The following CACNA2D1 variants were observed in gnomAD, a reference collection of about 807,000 sequenced individuals.
The protein encoded by CACNA2D1 is calcium voltage-gated channel auxiliary subunit alpha2delta 1.
In CACNA2D1, 53 loss-of-function variants were observed where a neutral mutation model predicts 171.5. The observed-to-expected ratio is 0.31, with a 90% CI of 0.25 to 0.39. The LOEUF is 0.39. CACNA2D1 is among the 10% of genes least tolerant of loss of function. The pLI is 1.00. For missense variants in CACNA2D1, 903 were observed against 1,299.8 expected, an observed-to-expected ratio of 0.69 and a Z score of 4.69; for synonymous variants, 442 against 443.1, an observed-to-expected ratio of 1.00 and a Z score of 0.03.
intron 7 of CACNA2D1, among the ~76,000 whole-genome samples, chr7:82,075,774 T>C (rs1808886771): frequency 6.6e-6 from 1 of 152,170 alleles, no homozygotes; most frequent in African/African-American, 2.4e-5. Context: ...ATCTTTTTAA[T>C]TTTTCATAAT....
At chr7:82,294,749 AAAGT>A (rs1405720308) in intron 3 of CACNA2D1, among the ~76,000 whole-genome samples, 5 of 152,188 alleles carry the variant, frequency 3.3e-5, no homozygotes, top group African/African-American at 4.8e-5. Flanking sequence ...AACAGCCTAC[AAAGT>A]AAGTATCAAT....
chr7:82,066,425 A>G (rs376786279), intron 8 of CACNA2D1, 30 bp downstream of exon 8: 2 of 1,610,130 alleles, frequency 1.2e-6, no homozygotes, highest in Non-Finnish European at 1.7e-6. Context: ...TGCCTATTTT[A>G]TCTTTTCATG....
intron 18 of CACNA2D1, among the ~76,000 whole-genome samples, chr7:82,002,585 TCAAA>T (rs1192943923): frequency 6.6e-6 from 1 of 152,118 alleles, no homozygotes; most frequent in Non-Finnish European, 1.5e-5. Context: ...TATTAACTTC[TCAAA>T]CATAGATTAT....
chr7:82,153,698 T>A (rs548377240), intron 4 of CACNA2D1, among the ~76,000 whole-genome samples: 1 of 152,218 alleles, frequency 6.6e-6, no homozygotes, highest in East Asian at 1.9e-4. Context: ...TGACCAGTCA[T>A]TGATTTATAA....
rs572154315 is a variant in CACNA2D1, at chr7:82,145,755, C to G, written c.355-9079G>C. ...ACATATATACCTATATGTACACCCT[C>G]TAAATAGTTTACATAATAAAATAGT... On this transcript the variant is annotated intron_variant, in intron 4 of 38. Coordinates refer to ENST00000356860, the MANE Select transcript of CACNA2D1 (RefSeq NM_000722.4). Among the ~76,000 whole-genome samples the G allele has an allele frequency of 4.0e-5, 6 of 149,886 alleles. 1 individual carries two copies. The South Asian group carries it at 1.3e-3, about 31-fold the overall frequency.
rs916751722 is a variant in CACNA2D1, at chr7:82,013,481, C to T, written c.1252G>A (p.Ala418Thr). Residue 418 changes from alanine to threonine, a missense_variant, in exon 14 of 39, where the codon GCA becomes ACA. By Grantham distance (58) the Ala-to-Thr change is moderately conservative. This residue lies in a region of CACNA2D1 where 623 missense variants were observed against 925.5 expected (regional missense o/e 0.67). Coordinates refer to ENST00000356860, the MANE Select transcript of CACNA2D1 (RefSeq NM_000722.4). The part of the protein sequence containing the change: ...GYYYEIPSIG[A>T]IRINTQEYLD... ...CATACCTGAGTATTGATTCTTATTG[C>T]ACCAATGGAAGGAATTTCATAATAA... is the stretch of plus-strand genomic sequence containing the variant. 3.7e-6 allele frequency: 4 copies of T among 1,083,552 alleles called. No homozygotes were observed. The highest frequency in any genetic ancestry group is 3.9e-6 in the Non-Finnish European group (3 of 778,540). 67.1% of individuals were successfully genotyped at this position (1,083,552 alleles called of 1,614,324 possible). A position where few individuals can be genotyped will look rare whatever the true frequency, so the allele number is the denominator to read the frequency against.
At chr7:82,265,029 A>G (rs1235839432) in intron 3 of CACNA2D1, among the ~76,000 whole-genome samples, 1 of 152,198 alleles carries the variant, frequency 6.6e-6, no homozygotes, top group Non-Finnish European at 1.5e-5. Context: ...AAAAGAACAC[A>G]TAAGTCTTCG....
At chr7:82,084,273 C>G (rs567939529) in intron 7 of CACNA2D1, among the ~76,000 whole-genome samples, 1 of 152,076 alleles carries the variant, frequency 6.6e-6, no homozygotes, top group East Asian at 1.9e-4. Context: ...AGTGATATAA[C>G]CTGACACATA....
intron 3 of CACNA2D1, among the ~76,000 whole-genome samples, chr7:82,229,096 C>T (rs567012424): frequency 6.6e-6 from 1 of 152,212 alleles, no homozygotes; most frequent in South Asian, 2.1e-4. Context: ...AATTTTTAAA[C>T]AAGCTTTGCC....
chr7:82,206,171 C>T (rs1172015867), intron 3 of CACNA2D1, among the ~76,000 whole-genome samples: 1 of 151,716 alleles, frequency 6.6e-6, no homozygotes, highest in Non-Finnish European at 1.5e-5. Flanking sequence ...ACTATTATTT[C>T]TGAAATCAAA....
intron 4 of CACNA2D1, among the ~76,000 whole-genome samples, chr7:82,167,873 G>T (rs569045408): frequency 1.3e-5 from 2 of 152,132 alleles, no homozygotes; most frequent in East Asian, 3.9e-4. Flanking sequence ...CTCCCACATG[G>T]TGACCACCAT....
chr7:82,150,272 AAAACAACAAC>A (rs756288241), intron 4 of CACNA2D1, among the ~76,000 whole-genome samples: 6,508 of 87,480 alleles, frequency 0.074, 674 homozygotes, highest in Middle Eastern at 0.1. Flanking sequence ...AAAAAAAACA[AAAACAACAAC>A]AAAAAAAAAC....
At chr7:82,066,571 T>C (rs750414284) in intron 7 of CACNA2D1, 47 bp from the exon 8 acceptor site, 19 of 1,551,076 alleles carry the variant, frequency 1.2e-5, no homozygotes, top group African/African-American at 8.4e-5. Context: ...ATATTAGATA[T>C]GCTCTAAAAA....
At chr7:82,086,430 A>G (rs1584694386) in intron 6 of CACNA2D1, among the ~76,000 whole-genome samples, 2 of 152,246 alleles carry the variant, frequency 1.3e-5, no homozygotes, top group African/African-American at 4.8e-5. Context: ...GTGTGTGTGA[A>G]TATTCATGAG....
chr7:82,403,517 C>T (rs1348297009), intron 1 of CACNA2D1, among the ~76,000 whole-genome samples: 2 of 152,178 alleles, frequency 1.3e-5, no homozygotes, highest in African/African-American at 4.8e-5. Context: ...CATGGTTTCA[C>T]TTAGGGTAGC....
chr7:82,203,329 C>T (rs149381917), intron 3 of CACNA2D1, among the ~76,000 whole-genome samples: 226 of 152,282 alleles, frequency 1.5e-3, no homozygotes, highest in Non-Finnish European at 2.8e-3. Flanking sequence ...AGTACTGGGA[C>T]AGTACCACTG....
At chr7:82,332,565 A>AGAAAGAAAGAAAGAAAGG (rs1491481168) in intron 3 of CACNA2D1, among the ~76,000 whole-genome samples, 4 of 109,256 alleles carry the variant, frequency 3.7e-5, no homozygotes, top group Non-Finnish European at 8.8e-5. Flanking sequence ...AAAGAAAGAA[A>AGAAAGAAAGAAAGAAAGG]GAACGAACAG....
At chr7:82,189,240 C>T (rs1798062607) in intron 3 of CACNA2D1, among the ~76,000 whole-genome samples, 1 of 151,960 alleles carries the variant, frequency 6.6e-6, no homozygotes, top group Non-Finnish European at 1.5e-5. Flanking sequence ...GGTATTTGGG[C>T]TGTAGTATTC....
intron 24 of CACNA2D1, among the ~76,000 whole-genome samples, chr7:81,975,307 T>A (rs1795725527): frequency 6.6e-6 from 1 of 152,148 alleles, no homozygotes; most frequent in African/African-American, 2.4e-5. Context: ...TCATTACATG[T>A]TAATATATTT....
Sources: gnomAD v4.1 joint callset for allele counts (sites outside exome capture counted in the v4.1 genomes callset) on GRCh38, gnomAD v4.1.1 for gene constraint, gnomAD v4.1.1 regional missense constraint, MANE v1.5 for transcripts, NCBI Gene and HGNC (gene_info 2026-07-23, HGNC 2026-07-21) for gene names.